TBCK: variants seen among roughly 807,000 people sequenced by gnomAD.
TBCK encodes the protein TBC1 domain containing kinase, also known as TBC domain-containing protein kinase-like protein.
Under a neutral mutation model 113.4 loss-of-function variants are expected in TBCK, and 99 were observed. The ratio of observed to expected loss-of-function variants is 0.87; its 90% CI spans 0.74 to 1.03. The LOEUF (loss-of-function observed/expected upper bound fraction) is 1.03, where lower values mean the gene tolerates loss of function less well. TBCK is among the 50% of genes least tolerant of loss of function. The probability of loss-of-function intolerance (pLI) is 0.00; values close to 1 mark genes in which losing one functional copy is unlikely to be tolerated. For missense variants in TBCK, 1,045 were observed against 1,061.3 expected, an observed-to-expected ratio of 0.98 and a Z score of 0.21; for synonymous variants, 369 against 370.8, an observed-to-expected ratio of 1.00 and a Z score of 0.05.
chr4:106,282,664 C>G (rs1764722238), intron 3 of TBCK, among the ~76,000 whole-genome samples: 1 of 151,970 alleles, frequency 6.6e-6, no homozygotes, highest in East Asian at 1.9e-4. Flanking sequence ...TCTTTATTGA[C>G]CCCCTTTATT....
At chr4:106,236,199 C>T (rs1673825264) in intron 14 of TBCK, among the ~76,000 whole-genome samples, 191 bp downstream of exon 14, 2 of 151,808 alleles carry the variant, frequency 1.3e-5, no homozygotes, top group South Asian at 2.1e-4. Flanking sequence ...TGTTACCACA[C>T]CTTGTTTTTA....
At chr4:106,290,911 G>T (rs1157849845) in intron 3 of TBCK, among the ~76,000 whole-genome samples, 1 of 152,198 alleles carries the variant, frequency 6.6e-6, no homozygotes, top group African/African-American at 2.4e-5. Context: ...TCTAACGCCT[G>T]ATCATCTGAG....
intron 24 of TBCK, among the ~76,000 whole-genome samples, chr4:106,114,817 T>C (rs935262011): frequency 2.0e-5 from 3 of 152,192 alleles, no homozygotes; most frequent in African/African-American, 7.2e-5. Context: ...TTAAACAGAT[T>C]CTAAACTCCT....
chr4:106,264,169 G>C (rs1002020702), intron 3 of TBCK, among the ~76,000 whole-genome samples: 1 of 151,786 alleles, frequency 6.6e-6, no homozygotes, highest in African/African-American at 2.4e-5. Flanking sequence ...GTGGGATAAA[G>C]GAAACCTACA....
At chr4:106,177,594 T>TC (rs1173316607) in intron 22 of TBCK, among the ~76,000 whole-genome samples, 1 of 151,994 alleles carries the variant, frequency 6.6e-6, no homozygotes, top group Non-Finnish European at 1.5e-5. Flanking sequence ...ACCTGTCTTT[T>TC]CCCCAATGTA....
chr4:106,233,665 AG>A lies in TBCK; in HGVS notation c.1450-16del. On this transcript the variant is annotated splice_polypyrimidine_tract_variant and intron_variant, in intron 15 of 25. Transcript: ENST00000394708. ...TGAATAGCTCCCTGCAAAAAATAAA[AG>A]AAGATATATTAATTTATCATATCCT... 2 of 1,580,226 alleles carry A rather than the reference AG, an allele frequency of 1.3e-6. No individual in the cohort carries two copies. The highest frequency in any genetic ancestry group is 1.7e-6 in the Non-Finnish European group (2 of 1,153,976).
At chr4:106,086,377 A>G (rs1739520954) in intron 25 of TBCK, among the ~76,000 whole-genome samples, 1 of 152,186 alleles carries the variant, frequency 6.6e-6, no homozygotes, top group African/African-American at 2.4e-5. Flanking sequence ...CCAAGACTAA[A>G]CCAGGAAGAA....
At chr4:106,108,136 C>A (rs919358179) in intron 24 of TBCK, among the ~76,000 whole-genome samples, 2 of 152,028 alleles carry the variant, frequency 1.3e-5, no homozygotes, top group Admixed American at 1.3e-4. Context: ...CCAAAAAAAA[C>A]CCAGGACCTG....
At chr4:106,240,576 T>C (rs1759989765) in intron 12 of TBCK, among the ~76,000 whole-genome samples, 1 of 152,024 alleles carries the variant, frequency 6.6e-6, no homozygotes, top group Admixed American at 6.6e-5. Flanking sequence ...TTGATTTATT[T>C]TTTAAAATCC....
intron 5 of TBCK, among the ~76,000 whole-genome samples, chr4:106,257,851 T>C (rs886386408): frequency 6.6e-6 from 1 of 152,102 alleles, no homozygotes; most frequent in African/African-American, 2.4e-5. Context: ...TTAGTGAATA[T>C]ATAGACATTA....
Position 106,216,780 on chromosome 4 carries a change from C to T in TBCK, c.1775-3945G>A, listed in dbSNP as rs558956524. On this transcript the variant is annotated intron_variant, in intron 19 of 25. Coordinates refer to ENST00000394708, the MANE Select transcript of TBCK (RefSeq NM_001163435.3). ...CAGATGGATTCACAGCCGAATTCTACCAGAGGTACAAGGAGGAACTGGTAC... is the reference window on the plus strand; with the variant it reads ...CAGATGGATTCACAGCCGAATTCTATCAGAGGTACAAGGAGGAACTGGTAC... 4.0e-3 allele frequency among the ~76,000 whole-genome samples: 599 copies of T among 151,552 alleles called. 2 individuals carry two copies. The highest frequency in any genetic ancestry group is 0.014 in the African/African-American group (572 of 41,368).
At chr4:106,305,273 CATAA>C (rs1767393733) in intron 2 of TBCK, among the ~76,000 whole-genome samples, 1 of 151,454 alleles carries the variant, frequency 6.6e-6, no homozygotes, top group African/African-American at 2.4e-5. Context: ...AATCAAGAGA[CATAA>C]ATGTCTTTTT....
intron 23 of TBCK, among the ~76,000 whole-genome samples, chr4:106,135,497 T>C (rs563784903): frequency 4.0e-5 from 4 of 98,942 alleles, no homozygotes; most frequent in Admixed American, 1.8e-4. Flanking sequence ...CAAAGGTGCA[T>C]ACTATGAGAA....
intron 15 of TBCK, among the ~76,000 whole-genome samples, chr4:106,234,314 G>C (rs1295675194): frequency 6.6e-6 from 1 of 152,034 alleles, no homozygotes; most frequent in Non-Finnish European, 1.5e-5. Context: ...GTATGATATT[G>C]AACAATTGGC....
intron 3 of TBCK, among the ~76,000 whole-genome samples, chr4:106,263,187 T>A (rs549959012): frequency 2.5e-4 from 38 of 152,040 alleles, no homozygotes; most frequent in Admixed American, 1.2e-3. Flanking sequence ...CCATTTTTTT[T>A]AAATTTTTCT....
At chr4:106,293,037 C>T (rs1560978995) in intron 3 of TBCK, among the ~76,000 whole-genome samples, 2 of 152,138 alleles carry the variant, frequency 1.3e-5, no homozygotes, top group East Asian at 3.8e-4. Context: ...TCTCAGCTTT[C>T]AAAAGAGTTT....
At chr4:106,053,907 A>C (rs951539584) in intron 25 of TBCK, among the ~76,000 whole-genome samples, 1 of 151,658 alleles carries the variant, frequency 6.6e-6, no homozygotes, top group African/African-American at 2.4e-5. Context: ...TTCAAAACAT[A>C]TTCAGAATCT....
chr4:106,219,800 A>T (rs1026045330), intron 19 of TBCK, among the ~76,000 whole-genome samples: 3 of 152,152 alleles, frequency 2.0e-5, no homozygotes, highest in African/African-American at 7.2e-5. Flanking sequence ...TGGCCACCCA[A>T]AGTGCTGAGA....
intron 25 of TBCK, among the ~76,000 whole-genome samples, chr4:106,066,034 C>A (rs537991534): frequency 6.6e-6 from 1 of 152,044 alleles, no homozygotes; most frequent in Non-Finnish European, 1.5e-5. Flanking sequence ...TAGCAATAAA[C>A]CGCTAATCAA....
Sources: allele counts gnomAD v4.1 joint callset (sites outside exome capture counted in the v4.1 genomes callset), GRCh38; gene constraint gnomAD v4.1.1; transcripts MANE v1.5; gene names NCBI Gene and HGNC (gene_info 2026-07-23, HGNC 2026-07-21).